The following GRIN2B variants were observed in gnomAD, a reference collection of about 807,000 sequenced individuals.
GRIN2B encodes the protein glutamate ionotropic receptor NMDA type subunit 2B.
GRIN2B carries 5 observed loss-of-function variants against 114.5 expected under a neutral mutation model. The ratio of observed to expected loss-of-function variants is 0.04; its 90% CI spans 0.02 to 0.09. GRIN2B has a LOEUF of 0.09. Among genes scored for constraint, GRIN2B ranks in the 10% least tolerant of loss-of-function variants. The probability of loss-of-function intolerance (pLI) is 1.00; values close to 1 mark genes in which losing one functional copy is unlikely to be tolerated. For synonymous variants in GRIN2B, 787 were observed against 745.1 expected (o/e 1.06, Z -0.92); for missense variants, 1,108 against 1,943.5 (o/e 0.57, Z 8.08).
chr12:13,859,089 C>T (rs949135551), intron 3 of GRIN2B, among the ~76,000 whole-genome samples: 2 of 152,080 alleles, frequency 1.3e-5, no homozygotes, highest in Non-Finnish European at 2.9e-5. Context: ...GGCTTGCTAC[C>T]CTTTATAAGC....
intron 3 of GRIN2B, among the ~76,000 whole-genome samples, chr12:13,864,576 A>C (rs1244237320): frequency 2.6e-5 from 4 of 152,242 alleles, no homozygotes; most frequent in African/African-American, 9.7e-5. Flanking sequence ...GACAGTGCAT[A>C]TGTACTAAGT....
chr12:13,695,181 C>CCGT (rs1368803968), intron 4 of GRIN2B, among the ~76,000 whole-genome samples: 1 of 152,062 alleles, frequency 6.6e-6, no homozygotes, highest in East Asian at 1.9e-4. Context: ...TGGGGTGTAT[C>CCGT]CTAACCATCA....
Position 13,547,981 on chromosome 12 carries a change from A to ATATATATATATATATATATATATT in GRIN2B, c.*14801_*14802insAATATATATATATATATATATATA. ...TGTGTATATATATATATATATATAT[A>ATATATATATATATATATATATATT]TTTTTTTTTTTTTTCTGAAAGCTAC... On this transcript the variant is annotated 3_prime_UTR_variant, in exon 14 of 14. Transcript: ENST00000609686. 2 of 68,594 alleles carry ATATATATATATATATATATATATT rather than the reference A, an allele frequency of 2.9e-5. No individual in the cohort carries two copies. The highest frequency in any genetic ancestry group is 9.2e-5 in the African/African-American group (2 of 21,782). 4.2% of individuals were successfully genotyped at this position (68,594 alleles called of 1,614,324 possible).
At chr12:13,628,350 C>T (rs1949589217) in intron 5 of GRIN2B, among the ~76,000 whole-genome samples, 1 of 152,154 alleles carries the variant, frequency 6.6e-6, no homozygotes, top group African/African-American at 2.4e-5. Flanking sequence ...TCAAACAAGG[C>T]TTACTGGACT....
In GRIN2B at chr12:13,548,194, T is replaced by G. The variant is rs1451525923; in HGVS notation, c.*14589A>C. 6.6e-6 allele frequency: 1 copy of G among 151,676 alleles called. No homozygotes were observed. Among genetic ancestry groups the G allele is most frequent in the African/African-American group, 2.4e-5 (1 of 41,292 alleles). 9.4% of individuals were successfully genotyped at this position (151,676 alleles called of 1,614,324 possible). The stretch of plus-strand genomic sequence containing the variant: ...CTGGGCTCTAAAATTGAGCTTATCT[T>G]CTCTGTCTTTCATAGGATAGCTAAG... On this transcript the variant is annotated 3_prime_UTR_variant, in exon 14 of 14. Coordinates refer to ENST00000609686, the MANE Select transcript of GRIN2B (RefSeq NM_000834.5).
rs1374298857 is a variant in GRIN2B at position 13,553,219 on chromosome 12, G to T, written c.*9564C>A. The T allele has an allele frequency of 1.3e-5, 2 of 152,214 alleles. No homozygotes were observed. The highest frequency in any genetic ancestry group is 2.4e-5 in the African/African-American group (1 of 41,442). The allele number at this position is 152,214 out of a possible 1,614,324, so 9.4% of individuals were successfully genotyped here. ...GAGAGGAGGAGGAAGGGTTAACAGG[G>T]CTTCAAGAATACAGGGACCAGAGGA... On this transcript the variant is annotated 3_prime_UTR_variant, in exon 14 of 14. Coordinates refer to ENST00000609686, the MANE Select transcript of GRIN2B (RefSeq NM_000834.5).
chr12:13,775,258 A>G (rs938958375), intron 3 of GRIN2B, among the ~76,000 whole-genome samples: 5 of 152,220 alleles, frequency 3.3e-5, no homozygotes, highest in African/African-American at 1.2e-4. Context: ...ATAACATAAT[A>G]GGTAATAACT....
chr12:13,553,367 C>CCTAA lies in GRIN2B; in HGVS notation c.*9412_*9415dup, dbSNP rs1379458623. 1 of 152,164 alleles carries CCTAA rather than the reference C, an allele frequency of 6.6e-6. No homozygotes were observed. Among genetic ancestry groups the CCTAA allele is most frequent in the East Asian group, 1.9e-4 (1 of 5,192 alleles). The allele number at this position is 152,164 out of a possible 1,614,324, so 9.4% of individuals were successfully genotyped here. Reference sequence around the variant, plus strand: ...TCTCTCTGAGCCAGCTCATTCAAATCCTAACTTACTTTCATTGTAAATATA... The same window carrying CCTAA: ...TCTCTCTGAGCCAGCTCATTCAAATCCTAACTAACTTACTTTCATTGTAAATATA... On this transcript the variant is annotated 3_prime_UTR_variant, in exon 14 of 14. Transcript: ENST00000609686.
Position 13,898,151 on chromosome 12 carries a change from C to T in GRIN2B, c.-18-31925G>A, listed in dbSNP as rs189323162. Among the ~76,000 whole-genome samples, 408 of 152,202 alleles carry T rather than the reference C, an allele frequency of 2.7e-3. 1 individual carries two copies. Among genetic ancestry groups the T allele is most frequent in the African/African-American group, 9.6e-3 (398 of 41,546 alleles). ...AGACAGGGGTTAAGTGTGTTACTCT[C>T]CTCTTTCTAAGCAAAACAAATCCAC... is the stretch of plus-strand genomic sequence containing the variant. On this transcript the variant is annotated intron_variant, in intron 2 of 13. Coordinates refer to ENST00000609686, the MANE Select transcript of GRIN2B (RefSeq NM_000834.5).
At chr12:13,934,488 C>T (rs1435440465) in intron 2 of GRIN2B, among the ~76,000 whole-genome samples, 1 of 152,216 alleles carries the variant, frequency 6.6e-6, no homozygotes, top group African/African-American at 2.4e-5. Context: ...GTAACTTACA[C>T]AAGACTGCAG....
intron 2 of GRIN2B, among the ~76,000 whole-genome samples, chr12:13,927,689 C>G (rs947045009): frequency 6.6e-6 from 1 of 151,918 alleles, no homozygotes; most frequent in African/African-American, 2.4e-5. Context: ...TGCAGTGGCT[C>G]ACACCTGTAA....
At chr12:13,926,845 T>A (rs1462333521) in intron 2 of GRIN2B, among the ~76,000 whole-genome samples, 1 of 151,656 alleles carries the variant, frequency 6.6e-6, no homozygotes, top group Non-Finnish European at 1.5e-5. Context: ...CCCAGCTACT[T>A]AGGAGGCTGA....
chr12:13,946,338 T>C (rs753582809), intron 2 of GRIN2B, among the ~76,000 whole-genome samples: 13 of 152,122 alleles, frequency 8.5e-5, no homozygotes, highest in Non-Finnish European at 1.6e-4. Context: ...ATAAAGACCA[T>C]AGTAACTTTA....
chr12:13,648,134 A>T (rs1949780027), intron 5 of GRIN2B, among the ~76,000 whole-genome samples: 1 of 152,086 alleles, frequency 6.6e-6, no homozygotes, highest in Admixed American at 6.6e-5. Flanking sequence ...AAATATTGAC[A>T]TGCCAAATTA....
intron 2 of GRIN2B, among the ~76,000 whole-genome samples, chr12:13,941,314 C>A (rs1304085288): frequency 6.6e-6 from 1 of 152,150 alleles, no homozygotes; most frequent in Non-Finnish European, 1.5e-5. Context: ...GCACACAGCT[C>A]CCCACAAACC....
At chr12:13,674,613 C>G (rs946981942) in intron 5 of GRIN2B, among the ~76,000 whole-genome samples, 4 of 152,028 alleles carry the variant, frequency 2.6e-5, no homozygotes, top group Non-Finnish European at 5.9e-5. Context: ...TCTGGTAACT[C>G]TCTCTAGAAA....
At chr12:13,837,322 A>C (rs191430037) in intron 3 of GRIN2B, among the ~76,000 whole-genome samples, 1 of 152,158 alleles carries the variant, frequency 6.6e-6, no homozygotes, top group African/African-American at 2.4e-5. Flanking sequence ...CACTTCACAC[A>C]TGCATGTCCT....
chr12:13,742,683 G>A (rs1286723679), intron 4 of GRIN2B, among the ~76,000 whole-genome samples: 2 of 152,174 alleles, frequency 1.3e-5, no homozygotes, highest in Admixed American at 6.5e-5. Context: ...TGCCTGCCTC[G>A]GCCTCCCAAA....
chr12:13,881,538 G>A (rs968812750), intron 2 of GRIN2B, among the ~76,000 whole-genome samples: 1 of 152,178 alleles, frequency 6.6e-6, no homozygotes, highest in African/African-American at 2.4e-5. Context: ...TTATCCATCT[G>A]CCTAGTTGCC....
Sources: allele counts gnomAD v4.1 joint callset (sites outside exome capture counted in the v4.1 genomes callset), GRCh38; gene constraint gnomAD v4.1.1; transcripts MANE v1.5; gene names NCBI Gene and HGNC (gene_info 2026-07-23, HGNC 2026-07-21).